MMS19: variants seen among roughly 807,000 people sequenced by gnomAD.
The protein encoded by MMS19 is MMS19 nucleotide excision repair protein homolog.
Under a neutral mutation model 129.8 loss-of-function variants are expected in MMS19, and 77 were observed. The ratio of observed to expected loss-of-function variants is 0.59; its 90% CI spans 0.49 to 0.72. The LOEUF is 0.72. Ranked by LOEUF, MMS19 falls within the 30% of genes least tolerant of loss-of-function variation. The pLI is 0.00. For synonymous variants in MMS19, 491 were observed against 502.8 expected (o/e 0.98, Z 0.31); for missense variants, 1,168 against 1,266.3 (o/e 0.92, Z 1.18).
Position 97,468,377 on chromosome 10 carries a change from T to G in MMS19, c.1093A>C (p.Met365Leu), listed in dbSNP as rs29001309. The G allele has an allele frequency of 6.2e-7, 1 of 1,611,554 alleles. No individual in the cohort carries two copies. The highest frequency in any genetic ancestry group is 8.5e-7 in the Non-Finnish European group (1 of 1,178,410). ...TTGGCACTAGGCCACACCAGTTTCA[T>G]GTCCGGTTCACACAGGTGGTGCCTG... ...DCRHHLCEPD[M>L]KLVWPSAKLL... Residue 365 changes from methionine to leucine, a missense_variant, in exon 13 of 31, where the codon ATG becomes CTG. Coordinates refer to ENST00000438925, the MANE Select transcript of MMS19 (RefSeq NM_022362.5).
Position 97,470,198 on chromosome 10 carries a change from C to G in MMS19, c.777G>C (p.Leu259=). The change falls in exon 10 of 31, where the codon CTG becomes CTC. Residue 259 remains leucine (L), a synonymous_variant. Transcript: ENST00000438925. ...CCACTTTCTCAATCAACAGGGGCAG[C>G]AGAAACTGTGGGACAGAAGGAAGAT... The part of the protein sequence containing the change: ...LASTPRFAEF[L]LPLLIEKVDS... The G allele has an allele frequency of 6.2e-7, 1 of 1,605,008 alleles. No individual in the cohort carries two copies. Among genetic ancestry groups the G allele is most frequent in the Non-Finnish European group, 8.5e-7 (1 of 1,175,416 alleles).
intron 13 of MMS19, 70 bp from the exon 14 acceptor site, chr10:97,467,653 T>C (rs1365262322): frequency 2.1e-6 from 3 of 1,423,196 alleles, no homozygotes; most frequent in African/African-American, 1.4e-5. Flanking sequence ...ACTCTGGATA[T>C]AGGGAAAATT....
At chr10:97,474,413 G>T (rs1027704609) in intron 8 of MMS19, among the ~76,000 whole-genome samples, 13 of 152,062 alleles carry the variant, frequency 8.5e-5, no homozygotes, top group African/African-American at 3.1e-4. Flanking sequence ...GTCAGGCATG[G>T]TGGCACGTAC....
chr10:97,492,437 T>C (rs868307650), intron 1 of MMS19, among the ~76,000 whole-genome samples: 21 of 149,580 alleles, frequency 1.4e-4, no homozygotes, highest in Admixed American at 8.0e-4. Context: ...ACGGAGCCAC[T>C]GCACTCCCAC....
intron 3 of MMS19, 93 bp downstream of exon 3, chr10:97,480,849 C>A (rs1040862974): frequency 6.2e-6 from 5 of 801,048 alleles, no homozygotes; most frequent in African/African-American, 5.1e-5. Context: ...ATACTTTAAG[C>A]CCTCCCTCCC....
In MMS19 at chr10:97,458,727, C is replaced by G; in HGVS notation, c.3066-8G>C. The G allele has an allele frequency of 6.2e-7, 1 of 1,611,646 alleles. No individual in the cohort carries two copies. The highest frequency in any genetic ancestry group is 2.2e-5 in the East Asian group (1 of 44,810). On this transcript the variant is annotated splice_region_variant and splice_polypyrimidine_tract_variant and intron_variant, in intron 30 of 30. Transcript: ENST00000438925. Reference sequence around the variant, plus strand: ...GGGCTCCCCAACAGAAACCTGTAGGCAAAAAGAAAGTTGGCAGCATTAGTG... The same window carrying G: ...GGGCTCCCCAACAGAAACCTGTAGGGAAAAAGAAAGTTGGCAGCATTAGTG...
At chr10:97,459,177 CTCTTGAGATGTT>C (rs2030876736) in intron 29 of MMS19, 34 bp downstream of exon 29, 1 of 1,577,074 alleles carries the variant, frequency 6.3e-7, no homozygotes, top group East Asian at 2.3e-5. Context: ...ACTTATGTGT[CTCTTGAGATGTT>C]CCCAGGCCAG....
chr10:97,458,561 G>A lies in MMS19; in HGVS notation c.*131C>T. 1.2e-6 allele frequency: 1 copy of A among 821,514 alleles called. No homozygotes were observed. Among genetic ancestry groups the A allele is most frequent in the East Asian group, 2.7e-5 (1 of 37,354 alleles). 50.9% of individuals were successfully genotyped at this position (821,514 alleles called of 1,614,324 possible). A position where few individuals can be genotyped will look rare whatever the true frequency, so the allele number is the denominator to read the frequency against. On this transcript the variant is annotated 3_prime_UTR_variant, in exon 31 of 31. Transcript: ENST00000438925. ...TTCTTTGTACAGCCATGCAACAGAG[G>A]CCTAGCATTTGTGCTGTGTCTGTGG...
chr10:97,459,078 G>A, intron 29 of MMS19, 145 bp downstream of exon 29: 2 of 974,626 alleles, frequency 2.1e-6, no homozygotes, highest in East Asian at 2.6e-5. Context: ...AAGAATCCTT[G>A]GGCCCAGAAT....
intron 29 of MMS19, 137 bp downstream of exon 29, chr10:97,459,086 A>G: frequency 9.9e-7 from 1 of 1,013,556 alleles, no homozygotes; most frequent in Middle Eastern, 3.2e-4. Context: ...TTGGGCCCAG[A>G]ATTACAAGAT....
At chr10:97,474,474 G>A (rs1341246041) in intron 8 of MMS19, among the ~76,000 whole-genome samples, 6 of 152,040 alleles carry the variant, frequency 3.9e-5, no homozygotes, top group African/African-American at 7.3e-5. Context: ...CTCGAACCCC[G>A]GAGGCAGGGG....
chr10:97,487,659 A>G (rs1589775541), intron 1 of MMS19, among the ~76,000 whole-genome samples: 1 of 152,278 alleles, frequency 6.6e-6, no homozygotes. Context: ...AACATTCAGA[A>G]GCCCTAAAAG....
chr10:97,483,959 G>A (rs1228455700), intron 2 of MMS19, 144 bp downstream of exon 2: 2 of 591,052 alleles, frequency 3.4e-6, no homozygotes, highest in South Asian at 2.3e-5. Context: ...AAACATATAG[G>A]CTTAGACTGA....
intron 19 of MMS19, among the ~76,000 whole-genome samples, chr10:97,463,506 G>C (rs1191639647): frequency 3.3e-5 from 5 of 152,194 alleles, no homozygotes; most frequent in Non-Finnish European, 7.3e-5. Flanking sequence ...ATTGAAGCGT[G>C]GAAAGGCTGA....
chr10:97,468,222 T>C, intron 13 of MMS19, 30 bp downstream of exon 13: 2 of 1,518,758 alleles, frequency 1.3e-6, no homozygotes, highest in Non-Finnish European at 1.8e-6. Flanking sequence ...ACAGGTCCCA[T>C]CATTTCCCCC....
At position 97,470,828 on chromosome 10, in the gene MMS19, C is replaced by T. The variant is rs761277379; in HGVS notation, c.718G>A (p.Asp240Asn). The T allele has an allele frequency of 5.0e-6, 8 of 1,613,848 alleles. No homozygotes were observed. The highest frequency in any genetic ancestry group is 1.1e-5 in the South Asian group (1 of 91,064). ...ACAGCGCGAAGACTCAGGATGAGGT[C>T]TTCTCTCTGGATACCATGGGGATCA... ...PNDPHGIQRE[D>N]LILSLRAVLA... The change falls in exon 9 of 31, where the codon GAC becomes AAC. Residue 240 changes from aspartate (D) to asparagine (N), a missense_variant. Physicochemically the swap from Asp to Asn is conservative, Grantham distance 23. Transcript: ENST00000438925.
intron 1 of MMS19, among the ~76,000 whole-genome samples, chr10:97,486,487 C>G (rs1179508439): frequency 6.6e-6 from 1 of 152,120 alleles, no homozygotes; most frequent in Non-Finnish European, 1.5e-5. Flanking sequence ...GGCCAAAATC[C>G]TGCCACTTGG....
intron 1 of MMS19, among the ~76,000 whole-genome samples, chr10:97,488,507 A>C (rs2038304363): frequency 6.6e-6 from 1 of 152,212 alleles, no homozygotes; most frequent in Non-Finnish European, 1.5e-5. Flanking sequence ...GGATACTAAA[A>C]TCTGTGGATG....
intron 1 of MMS19, among the ~76,000 whole-genome samples, chr10:97,489,973 T>C (rs990063340): frequency 1.2e-4 from 19 of 152,240 alleles, no homozygotes; most frequent in African/African-American, 4.3e-4. Context: ...TGCACTATAG[T>C]TACTACTTTT....
Sources: gnomAD v4.1 joint callset for allele counts (sites outside exome capture counted in the v4.1 genomes callset) on GRCh38, gnomAD v4.1.1 for gene constraint, MANE v1.5 for transcripts, NCBI Gene and HGNC (gene_info 2026-07-23, HGNC 2026-07-21) for gene names.